PITPNM2: variants seen among roughly 807,000 people sequenced by gnomAD.
PITPNM2 encodes the protein phosphatidylinositol transfer protein membrane associated 2.
In PITPNM2, 35 loss-of-function variants were observed where a neutral mutation model predicts 132.2. The ratio of observed to expected loss-of-function variants is 0.26; its 90% CI spans 0.20 to 0.35. The LOEUF (loss-of-function observed/expected upper bound fraction) is 0.35, where lower values mean the gene tolerates loss of function less well. Ranked by LOEUF, PITPNM2 falls within the 10% of genes least tolerant of loss-of-function variation. The pLI, the probability that PITPNM2 is intolerant of heterozygous loss-of-function variation, is 1.00. For missense variants in PITPNM2, 1,332 were observed against 1,912.0 expected (o/e 0.70, Z 5.66); for synonymous variants, 738 against 799.2 (o/e 0.92, Z 1.29).
Position 122,988,850 on chromosome 12 carries a change from C to T in PITPNM2, c.2754G>A (p.Gln918=), listed in dbSNP as rs2038055912. Reference sequence around the variant, plus strand: ...AGTACAGGGCGTAGTCGATCCGCTTCTGGCCCCACCACTTTGCAGCGACTG... The same window carrying T: ...AGTACAGGGCGTAGTCGATCCGCTTTTGGCCCCACCACTTTGCAGCGACTG... ...IGEVAAKWWG[Q]KRIDYALYCP... The change falls in exon 19 of 26, where the codon CAG becomes CAA. Residue 918 remains glutamine, a synonymous_variant. Transcript: ENST00000320201. 1.9e-6 allele frequency: 3 copies of T among 1,572,560 alleles called. No homozygotes were observed. In the African/African-American group the frequency reaches 4.0e-5, roughly 21 times the overall value.
Position 123,005,364 on chromosome 12 carries a change from G to C in PITPNM2, c.828C>G (p.Val276=). ...GGGGCTCCCCAGAGGTCTGGTCCGA[G>C]ACGGCTTCGTGCTTGACGAGCTCAG... ...EATELVKHEA[V]SDQTSGEPPE... The change falls in exon 7 of 26, where the codon GTC becomes GTG. Residue 276 remains valine (V), a synonymous_variant. Transcript: ENST00000320201. The surrounding 1 kb of genome is among the most constrained non-coding windows in gnomAD (Gnocchi z 6.2). 2 of 1,614,164 alleles carry C rather than the reference G, an allele frequency of 1.2e-6. No homozygotes were observed. The highest frequency in any genetic ancestry group is 1.7e-6 in the Non-Finnish European group (2 of 1,180,030).
In PITPNM2 at chr12:122,995,391, G is replaced by A; in HGVS notation, c.2052C>T (p.Ser684=). Residue 684 remains serine (S), a splice_region_variant and synonymous_variant, in exon 14 of 26, where the codon TCC becomes TCT. Coordinates refer to ENST00000320201, the MANE Select transcript of PITPNM2 (RefSeq NM_020845.3). ...DTIQQHQAFL[S]SLHASVLRTE... Reference sequence around the variant, plus strand: ...CCCAGCCCCCCAGCCCTGCCCACCTGGACAGGAAGGCCTGGTGCTGCTGGA... The same window carrying A: ...CCCAGCCCCCCAGCCCTGCCCACCTAGACAGGAAGGCCTGGTGCTGCTGGA... 3 of 1,591,994 alleles carry A rather than the reference G, an allele frequency of 1.9e-6. No individual in the cohort carries two copies. The highest frequency in any genetic ancestry group is 2.6e-6 in the Non-Finnish European group (3 of 1,167,388).
intron 2 of PITPNM2, among the ~76,000 whole-genome samples, chr12:123,046,269 C>A (rs1033178528): frequency 6.6e-6 from 1 of 152,004 alleles, no homozygotes; most frequent in Non-Finnish European, 1.5e-5. Flanking sequence ...CACATCCCAA[C>A]AGCCCCCACC....
chr12:123,037,233 G>A (rs1029199906), intron 2 of PITPNM2, among the ~76,000 whole-genome samples: 1 of 152,228 alleles, frequency 6.6e-6, no homozygotes, highest in Non-Finnish European at 1.5e-5. Flanking sequence ...TGGCTGGGAG[G>A]GTAGCACAGG....
At chr12:123,012,447 C>T (rs1222955090) in intron 5 of PITPNM2, among the ~76,000 whole-genome samples, 166 bp downstream of exon 5, 1 of 152,196 alleles carries the variant, frequency 6.6e-6, no homozygotes, top group Non-Finnish European at 1.5e-5. Context: ...GAAGGCCTGC[C>T]CTGCCTCCCC....
chr12:123,129,779 TGCA>T, intron 1 of PITPNM2, among the ~76,000 whole-genome samples: 1 of 151,974 alleles, frequency 6.6e-6, no homozygotes, highest in South Asian at 2.1e-4. Context: ...CACAGAAAAA[TGCA>T]TAGAGTTCTT....
In PITPNM2 at chr12:122,995,539, A is replaced by G. The variant is rs1449005611; in HGVS notation, c.1904T>C (p.Leu635Pro). 6.2e-7 allele frequency: 1 copy of G among 1,611,214 alleles called. No homozygotes were observed. The highest frequency in any genetic ancestry group is 8.5e-7 in the Non-Finnish European group (1 of 1,179,944). Residue 635 changes from leucine to proline, a missense_variant, in exon 14 of 26, where the codon CTG becomes CCG. This residue lies in a region of PITPNM2 where 710 missense variants were observed against 911.5 expected (regional missense o/e 0.78). Transcript: ENST00000320201. ...TCGGCTCAGGTGCCGACTGCTCTCC[A>G]GGCTGGAGCCACCACTACTGCCACC... is the stretch of plus-strand genomic sequence containing the variant. The part of the protein sequence containing the change: ...GGGGSSGGSS[L>P]ESSRHLSRSN...
intron 1 of PITPNM2, among the ~76,000 whole-genome samples, chr12:123,113,645 G>A (rs2042883122): frequency 6.6e-6 from 1 of 152,062 alleles, no homozygotes; most frequent in South Asian, 2.1e-4. Flanking sequence ...AGGCCGCAGT[G>A]AACTGTGATC....
chr12:123,071,387 G>T (rs900871144), intron 2 of PITPNM2, among the ~76,000 whole-genome samples: 2 of 152,184 alleles, frequency 1.3e-5, no homozygotes, highest in African/African-American at 4.8e-5. Context: ...ACCACGTGTT[G>T]TGCTTCCTAG....
At chr12:123,151,777 G>A (rs1217011306), upstream of PITPNM2, among the ~76,000 whole-genome samples, 1 of 152,250 alleles carries the variant, frequency 6.6e-6, no homozygotes, top group Non-Finnish European at 1.5e-5. Flanking sequence ...GTTAGGTTGA[G>A]CCAGGGTGGA....
chr12:123,034,681 G>A lies in PITPNM2; in HGVS notation c.-91C>T. 2.8e-6 allele frequency: 3 copies of A among 1,087,772 alleles called. No individual in the cohort carries two copies. The highest frequency in any genetic ancestry group is 1.5e-5 in the African/African-American group (1 of 65,088). The allele number at this position is 1,087,772 out of a possible 1,614,324, so 67.4% of individuals were successfully genotyped here. A position where few individuals can be genotyped will look rare whatever the true frequency, so the allele number is the denominator to read the frequency against. ...AATAACCATGACAAAATTCACCAAGGACCCCTGGGAGACAGAGAGGACAGA... is the reference window on the plus strand; with the variant it reads ...AATAACCATGACAAAATTCACCAAGAACCCCTGGGAGACAGAGAGGACAGA... On this transcript the variant is annotated 5_prime_UTR_variant, in exon 3 of 26. Coordinates refer to ENST00000320201, the MANE Select transcript of PITPNM2 (RefSeq NM_020845.3).
chr12:123,066,400 C>A (rs1409462001), intron 2 of PITPNM2, among the ~76,000 whole-genome samples: 1 of 152,188 alleles, frequency 6.6e-6, no homozygotes, highest in Non-Finnish European at 1.5e-5. Flanking sequence ...GTACTCCCCA[C>A]AACCCACAAA....
Position 123,064,582 on chromosome 12 carries a change from C to T in PITPNM2, c.-95-29897G>A, listed in dbSNP as rs896110412. Among the ~76,000 whole-genome samples the T allele has an allele frequency of 1.3e-5, 2 of 152,306 alleles. No individual in the cohort carries two copies. Among genetic ancestry groups the T allele is most frequent in the East Asian group, 1.9e-4 (1 of 5,176 alleles). ...ATTTCGGGAAGCTCTGCGCACAGCCCGCCACTTCCCTGCCAGGCTGACTGG... is the reference window on the plus strand; with the variant it reads ...ATTTCGGGAAGCTCTGCGCACAGCCTGCCACTTCCCTGCCAGGCTGACTGG... On this transcript the variant is annotated intron_variant, in intron 2 of 25. Transcript: ENST00000320201. The surrounding 1 kb of genome is among the most constrained non-coding windows in gnomAD (Gnocchi z 4.0).
At position 122,987,379 on chromosome 12, in the gene PITPNM2, T is replaced by C. The variant is rs748608536; in HGVS notation, c.3315A>G (p.Thr1105=). ...CGTCGATGCTGAAGACCACGAACTC[T>C]GTGCCCTTGGGCAGCACGGTGATGT... ...DSYITVLPKG[T]EFVVFSIDGS... Residue 1105 remains threonine, a synonymous_variant, in exon 23 of 26, where the codon ACA becomes ACG. Coordinates refer to ENST00000320201, the MANE Select transcript of PITPNM2 (RefSeq NM_020845.3). 3.1e-6 allele frequency: 5 copies of C among 1,613,734 alleles called. No homozygotes were observed. The Admixed American group carries it at 5.0e-5, about 16-fold the overall frequency.
chr12:123,084,453 C>T (rs1386678417), intron 2 of PITPNM2: 1 of 152,214 alleles, frequency 6.6e-6, no homozygotes, highest in African/African-American at 2.4e-5. Context: ...CCGACCAGAA[C>T]CACACCGTGC....
At chr12:123,115,543 A>G (rs910910495) in intron 1 of PITPNM2, among the ~76,000 whole-genome samples, 6 of 152,020 alleles carry the variant, frequency 3.9e-5, no homozygotes, top group Non-Finnish European at 7.4e-5. Context: ...ACGCGCCCGC[A>G]CACACACACG....
chr12:123,007,211 G>C (rs1206247905), intron 6 of PITPNM2, among the ~76,000 whole-genome samples: 1 of 152,118 alleles, frequency 6.6e-6, no homozygotes, highest in Admixed American at 6.5e-5. Context: ...TGCTTCTCTG[G>C]GTGAGTTTTG....
chr12:123,096,645 C>G (rs2042417826), intron 2 of PITPNM2, among the ~76,000 whole-genome samples: 1 of 152,180 alleles, frequency 6.6e-6, no homozygotes, highest in African/African-American at 2.4e-5. Flanking sequence ...CCGGGGGCAT[C>G]TGGAATCCCT....
chr12:123,019,909 G>GGGGT (rs1332372205), intron 3 of PITPNM2, among the ~76,000 whole-genome samples: 1 of 152,096 alleles, frequency 6.6e-6, no homozygotes, highest in Non-Finnish European at 1.5e-5. Flanking sequence ...GAGGTGGGGA[G>GGGGT]GCACTCACCA....
Sources: gnomAD v4.1 joint callset for allele counts (sites outside exome capture counted in the v4.1 genomes callset) on GRCh38, gnomAD v4.1.1 for gene constraint, gnomAD v4.1.1 regional missense constraint, Gnocchi (gnomAD v3.1) non-coding constraint, MANE v1.5 for transcripts, NCBI Gene and HGNC (gene_info 2026-07-23, HGNC 2026-07-21) for gene names.